LZTS1: variants seen among roughly 807,000 people sequenced by gnomAD.
The protein encoded by LZTS1 is leucine zipper tumor suppressor 1, also known as leucine zipper putative tumor suppressor 1.
Under a neutral mutation model 45.8 loss-of-function variants are expected in LZTS1, and 31 were observed. The ratio of observed to expected loss-of-function variants is 0.68; its 90% CI spans 0.51 to 0.91. LZTS1 has a LOEUF of 0.91. Among genes scored for constraint, LZTS1 ranks in the 40% least tolerant of loss-of-function variants. The probability of loss-of-function intolerance (pLI) is 0.00; values close to 1 mark genes in which losing one functional copy is unlikely to be tolerated. For missense variants in LZTS1, 821 were observed against 788.9 expected (o/e 1.04, Z -0.49); for synonymous variants, 359 against 357.3 (o/e 1.00, Z -0.05).
Position 20,246,706 on chromosome 8 carries a change from G to C in LZTS1, c.*3016C>G, listed in dbSNP as rs1799738031. 6.6e-6 allele frequency: 1 copy of C among 152,560 alleles called. No individual in the cohort carries two copies. Among genetic ancestry groups the C allele is most frequent in the African/African-American group, 2.4e-5 (1 of 41,468 alleles). 9.5% of individuals were successfully genotyped at this position (152,560 alleles called of 1,614,324 possible). ...TGGCAGGAGTTCACTGGGAGAGCTAGGAGGGAACCCCGTGACAGTCCAGTC... is the reference window on the plus strand; with the variant it reads ...TGGCAGGAGTTCACTGGGAGAGCTACGAGGGAACCCCGTGACAGTCCAGTC... On this transcript the variant is annotated 3_prime_UTR_variant, in exon 4 of 4. Transcript: ENST00000381569.
intron 3 of LZTS1, among the ~76,000 whole-genome samples, chr8:20,251,008 C>A (rs1370208979): frequency 6.7e-6 from 1 of 149,584 alleles, no homozygotes; most frequent in Admixed American, 6.7e-5. Flanking sequence ...GAAGTAGGTA[C>A]TATTAGTAGT....
intron 1 of LZTS1, among the ~76,000 whole-genome samples, chr8:20,260,664 C>T (rs544007865): frequency 6.6e-6 from 1 of 152,282 alleles, no homozygotes; most frequent in South Asian, 2.1e-4. Flanking sequence ...GGGCCAATGC[C>T]AACAAGATTG....
rs940490232 is a variant in LZTS1, at chr8:20,268,418, C to G, written c.-134-13103G>C. On this transcript the variant is annotated intron_variant, in intron 1 of 3. Coordinates refer to ENST00000381569, the MANE Select transcript of LZTS1 (RefSeq NM_021020.5). ...TGATTCTCCCCGTTCCCCCTCCCCC[C>G]ATACATACTCTGCCCGATTCAGCTT... Among the ~76,000 whole-genome samples, 7 of 152,052 alleles carry G rather than the reference C, an allele frequency of 4.6e-5. 1 individual carries two copies. The East Asian group carries it at 1.4e-3, about 29-fold the overall frequency.
intron 1 of LZTS1, among the ~76,000 whole-genome samples, chr8:20,256,052 G>T (rs1249286354): frequency 2.5e-5 from 3 of 118,512 alleles, no homozygotes; most frequent in African/African-American, 9.3e-5. Context: ...TCCAGCCTGG[G>T]CCTGACTCAA....
In LZTS1 at chr8:20,303,902, A is replaced by T; in HGVS notation, c.-297T>A. On this transcript the variant is annotated 5_prime_UTR_variant, in exon 1 of 4. Coordinates refer to ENST00000381569, the MANE Select transcript of LZTS1 (RefSeq NM_021020.5). ...ACTCACTGGCCGAGGCGGGCAGAGA[A>T]ACTTTCGGCCTCCCCGCCCGGCCGC... The T allele has an allele frequency of 1.0e-6, 1 of 984,628 alleles. No individual in the cohort carries two copies. Among genetic ancestry groups the T allele is most frequent in the Non-Finnish European group, 1.2e-6 (1 of 829,658 alleles). The allele number at this position is 984,628 out of a possible 1,614,324, so 61.0% of individuals were successfully genotyped here. A position where few individuals can be genotyped will look rare whatever the true frequency, so the allele number is the denominator to read the frequency against.
At chr8:20,292,111 T>A (rs905738852) in intron 1 of LZTS1, among the ~76,000 whole-genome samples, 2 of 152,246 alleles carry the variant, frequency 1.3e-5, no homozygotes, top group African/African-American at 2.4e-5. Context: ...TGCCAGGTTT[T>A]TAGAAGGCAA....
intron 1 of LZTS1, among the ~76,000 whole-genome samples, chr8:20,296,998 T>A (rs1800988952): frequency 1.3e-5 from 2 of 152,174 alleles, no homozygotes; most frequent in South Asian, 4.1e-4. Context: ...GCTTGTCTTC[T>A]GTCTCCGTCT....
intron 1 of LZTS1, among the ~76,000 whole-genome samples, chr8:20,294,437 C>G (rs927782641): frequency 6.6e-5 from 10 of 152,214 alleles, no homozygotes; most frequent in African/African-American, 2.2e-4. Context: ...CCGAAGGCAG[C>G]TGGGGAGTCC....
intron 1 of LZTS1, among the ~76,000 whole-genome samples, chr8:20,294,010 T>G (rs1800942261): frequency 6.6e-6 from 1 of 152,194 alleles, no homozygotes; most frequent in Admixed American, 6.5e-5. Flanking sequence ...GAAATAAAAG[T>G]TCTTGGCAGT....
chr8:20,288,960 T>C (rs1305363830), intron 1 of LZTS1, among the ~76,000 whole-genome samples: 2 of 151,184 alleles, frequency 1.3e-5, no homozygotes, highest in Non-Finnish European at 2.9e-5. Flanking sequence ...AAGAAGGATA[T>C]AATTAAGAGC....
In LZTS1 at chr8:20,247,793, C is replaced by G. The variant is rs548071755; in HGVS notation, c.*1929G>C. On this transcript the variant is annotated 3_prime_UTR_variant, in exon 4 of 4. Transcript: ENST00000381569. Reference sequence around the variant, plus strand: ...CATCTCCCCACCCCTACCTCGGGGTCTCTAAGGGCCAGCGGTGAGCGAGGC... The same window carrying G: ...CATCTCCCCACCCCTACCTCGGGGTGTCTAAGGGCCAGCGGTGAGCGAGGC... The G allele has an allele frequency of 2.0e-4, 30 of 152,752 alleles. No individual in the cohort carries two copies. Among genetic ancestry groups the G allele is most frequent in the Admixed American group, 3.9e-4 (6 of 15,300 alleles). The allele number at this position is 152,752 out of a possible 1,614,324, so 9.5% of individuals were successfully genotyped here.
rs1472414198 is a variant in LZTS1 at position 20,249,716 on chromosome 8, AG to A, written c.*5del. The A allele has an allele frequency of 2.5e-6, 4 of 1,591,870 alleles. No individual in the cohort carries two copies. The highest frequency in any genetic ancestry group is 2.6e-6 in the Non-Finnish European group (3 of 1,170,202). The stretch of plus-strand genomic sequence containing the variant: ...GGTCCCCAGACTCGCCTTCCCAGGC[AG>A]CCCCTCAGATCTCAGTGGCTATGAT... On this transcript the variant is annotated 3_prime_UTR_variant, in exon 4 of 4. Coordinates refer to ENST00000381569, the MANE Select transcript of LZTS1 (RefSeq NM_021020.5).
At chr8:20,292,644 G>C (rs1295299915) in intron 1 of LZTS1, among the ~76,000 whole-genome samples, 1 of 152,138 alleles carries the variant, frequency 6.6e-6, no homozygotes, top group Non-Finnish European at 1.5e-5. Flanking sequence ...CCTTTGATTG[G>C]GGTAGGGAGG....
chr8:20,249,373 C>T lies in LZTS1; in HGVS notation c.*349G>A, dbSNP rs193066670. On this transcript the variant is annotated 3_prime_UTR_variant, in exon 4 of 4. Coordinates refer to ENST00000381569, the MANE Select transcript of LZTS1 (RefSeq NM_021020.5). ...GTTGGGATGAGAAGCAGAGGGGAGC[C>T]GCTGTACTTGCTGTGGCCACCTTCC... 389 of 242,810 alleles carry T rather than the reference C, an allele frequency of 1.6e-3. 3 individuals are homozygous for T. Among genetic ancestry groups the T allele is most frequent in the African/African-American group, 8.4e-3 (377 of 44,956 alleles). 15.0% of individuals were successfully genotyped at this position (242,810 alleles called of 1,614,324 possible).
At position 20,252,721 on chromosome 8, in the gene LZTS1, GA is replaced by G. The variant is rs1050605103; in HGVS notation, c.1149+60del. ...ACGCTATTGGCCGGCACCAGAAGGA[GA>G]GGGGGGTACTGGCGCCAAACCGCTG... On this transcript the variant is annotated intron_variant, in intron 3 of 3. Coordinates refer to ENST00000381569, the MANE Select transcript of LZTS1 (RefSeq NM_021020.5). 1.2e-4 allele frequency: 173 copies of G among 1,418,436 alleles called. 3 individuals carry two copies. The African/African-American group carries it at 2.4e-3, about 19-fold the overall frequency. 87.9% of individuals were successfully genotyped at this position (1,418,436 alleles called of 1,614,324 possible).
At chr8:20,257,414 C>T (rs1164516367) in intron 1 of LZTS1, among the ~76,000 whole-genome samples, 1 of 152,010 alleles carries the variant, frequency 6.6e-6, no homozygotes, top group East Asian at 1.9e-4. Context: ...GAGAATTAGT[C>T]AATGCATTTG....
At chr8:20,303,267 C>T (rs1801112322) in intron 1 of LZTS1, among the ~76,000 whole-genome samples, 1 of 152,154 alleles carries the variant, frequency 6.6e-6, no homozygotes, top group African/African-American at 2.4e-5. Context: ...TCCTCCCCAC[C>T]GGTGTGGACA....
At chr8:20,256,060 C>CAAAAAAAAAAA (rs386412254) in intron 1 of LZTS1, among the ~76,000 whole-genome samples, 4 of 56,454 alleles carry the variant, frequency 7.1e-5, no homozygotes, top group African/African-American at 1.3e-4. Context: ...GGGCCTGACT[C>CAAAAAAAAAAA]AAAAAAAAAA....
At chr8:20,253,757 A>G (rs1340068344) in intron 2 of LZTS1, among the ~76,000 whole-genome samples, 172 bp from the exon 3 acceptor site, 1 of 152,184 alleles carries the variant, frequency 6.6e-6, no homozygotes, top group Non-Finnish European at 1.5e-5. Context: ...AAGCAGCTGA[A>G]TGTCATCTCT....
Sources: gnomAD v4.1 joint callset for allele counts (sites outside exome capture counted in the v4.1 genomes callset) on GRCh38, gnomAD v4.1.1 for gene constraint, MANE v1.5 for transcripts, NCBI Gene and HGNC (gene_info 2026-07-23, HGNC 2026-07-21) for gene names.